The following WWOX variants were observed in gnomAD, a reference collection of about 807,000 sequenced individuals.
The protein encoded by WWOX is WW domain-containing oxidoreductase.
Under a neutral mutation model 46.2 loss-of-function variants are expected in WWOX, and 69 were observed. The observed-to-expected ratio is 1.49, with a 90% CI of 1.23 to 1.82. The LOEUF (loss-of-function observed/expected upper bound fraction) is 1.82. WWOX is among the 40% of genes most tolerant of loss of function. The pLI is 0.00. For synonymous variants in WWOX, 359 were observed against 202.6 expected (o/e 1.77, Z -6.56); for missense variants, 919 against 542.6 (o/e 1.69, Z -6.89).
intron 8 of WWOX, among the ~76,000 whole-genome samples, chr16:78,927,551 C>T (rs1171719290): frequency 2.0e-5 from 3 of 152,144 alleles, no homozygotes; most frequent in African/African-American, 4.8e-5. Context: ...GGATGTTAGT[C>T]ATTTGATTTC....
intron 8 of WWOX, among the ~76,000 whole-genome samples, chr16:79,054,782 C>T (rs1368240065): frequency 6.6e-6 from 1 of 152,156 alleles, no homozygotes; most frequent in Non-Finnish European, 1.5e-5. Context: ...ACTGTGATCA[C>T]ACCACCGCAC....
At chr16:78,282,368 A>G (rs1001355896) in intron 5 of WWOX, among the ~76,000 whole-genome samples, 15 of 152,310 alleles carry the variant, frequency 9.8e-5, no homozygotes, top group African/African-American at 3.6e-4. Flanking sequence ...ATGTGGCTTC[A>G]AAAAGGAGCC....
intron 8 of WWOX, among the ~76,000 whole-genome samples, chr16:78,631,079 G>A (rs997154225): frequency 2.6e-5 from 4 of 152,104 alleles, no homozygotes; most frequent in African/African-American, 9.7e-5. Context: ...ATGATTTAAA[G>A]TGTACAGGAG....
intron 8 of WWOX, chr16:79,110,819 T>C (rs2049402731): frequency 6.6e-6 from 1 of 152,218 alleles, no homozygotes; most frequent in Non-Finnish European, 1.5e-5. Flanking sequence ...TTTTATCAGC[T>C]GGGTGTTGGG....
Position 78,759,210 on chromosome 16 carries a change from G to T in WWOX, c.1056+326458G>T, listed in dbSNP as rs1332567142. ...ATTACACGGAGAAGTGTTAGAACAG[G>T]GTAATCAACTGGGAACCCATTTCAG... On this transcript the variant is annotated intron_variant, in intron 8 of 8. Coordinates refer to ENST00000566780, the MANE Select transcript of WWOX (RefSeq NM_016373.4). Among the ~76,000 whole-genome samples the T allele has an allele frequency of 2.0e-5, 3 of 152,114 alleles. No individual in the cohort carries two copies. The East Asian group carries it at 5.8e-4, about 29-fold the overall frequency.
At chr16:78,656,883 G>C (rs2047093332) in intron 8 of WWOX, among the ~76,000 whole-genome samples, 1 of 152,176 alleles carries the variant, frequency 6.6e-6, no homozygotes, top group African/African-American at 2.4e-5. Context: ...GGAGGCTGTA[G>C]ATACACAGCC....
intron 5 of WWOX, among the ~76,000 whole-genome samples, chr16:78,242,715 A>T (rs548461512): frequency 6.6e-6 from 1 of 152,216 alleles, no homozygotes; most frequent in East Asian, 1.9e-4. Context: ...AGAATAAGAG[A>T]TATGAAAGCC....
At chr16:78,161,921 G>C (rs2034808869) in intron 4 of WWOX, among the ~76,000 whole-genome samples, 1 of 152,116 alleles carries the variant, frequency 6.6e-6, no homozygotes, top group African/African-American at 2.4e-5. Context: ...CCTAGGTTAA[G>C]CATTGTTATT....
intron 4 of WWOX, among the ~76,000 whole-genome samples, chr16:78,148,489 C>G (rs923251224): frequency 3.3e-5 from 5 of 151,940 alleles, no homozygotes; most frequent in Non-Finnish European, 5.9e-5. Context: ...ACACAGAGGT[C>G]TCTGCCTCTA....
At chr16:78,606,299 T>A (rs2045754679) in intron 8 of WWOX, among the ~76,000 whole-genome samples, 1 of 152,198 alleles carries the variant, frequency 6.6e-6, no homozygotes, top group African/African-American at 2.4e-5. Context: ...ATTTAAAATT[T>A]TACATCATTT....
chr16:79,185,982 GTAT>G (rs1489913418), intron 8 of WWOX, among the ~76,000 whole-genome samples: 2 of 152,166 alleles, frequency 1.3e-5, no homozygotes, highest in East Asian at 1.9e-4. Context: ...GTGTGTGTGT[GTAT>G]TATTAATATG....
At chr16:78,783,089 C>G (rs2050370753) in intron 8 of WWOX, among the ~76,000 whole-genome samples, 1 of 152,152 alleles carries the variant, frequency 6.6e-6, no homozygotes, top group Non-Finnish European at 1.5e-5. Context: ...CCTATATGCA[C>G]AAAAATGAGC....
rs76929416 is a variant in WWOX, at chr16:78,835,056, G to A, written c.1057-376552G>A. Among the ~76,000 whole-genome samples, 647 of 152,206 alleles carry A rather than the reference G, an allele frequency of 4.3e-3. 5 individuals are homozygous for A. Among genetic ancestry groups the A allele is most frequent in the African/African-American group, 0.015 (608 of 41,514 alleles). The stretch of plus-strand genomic sequence containing the variant: ...TTTTAAAGGGGTTTGGAGGGCGTTA[G>A]TGTGCCCATTTTACAGAGGTGGAGG... On this transcript the variant is annotated intron_variant, in intron 8 of 8. Coordinates refer to ENST00000566780, the MANE Select transcript of WWOX (RefSeq NM_016373.4).
chr16:78,943,866 T>A (rs2045899420), intron 8 of WWOX, among the ~76,000 whole-genome samples: 1 of 152,082 alleles, frequency 6.6e-6, no homozygotes, highest in Non-Finnish European at 1.5e-5. Context: ...CTTCTGGAAG[T>A]GTGGTATGTG....
chr16:78,660,500 C>T (rs933510211), intron 8 of WWOX, among the ~76,000 whole-genome samples: 2 of 152,080 alleles, frequency 1.3e-5, no homozygotes, highest in Non-Finnish European at 1.5e-5. Flanking sequence ...TTCAAAGCTC[C>T]TTCTGTCTTT....
intron 8 of WWOX, among the ~76,000 whole-genome samples, chr16:79,037,081 G>C (rs2550690): frequency 0.64 from 96,629 of 151,934 alleles, 31,066 homozygotes; most frequent in East Asian, 0.79. Context: ...TCAGACTCAG[G>C]GCGGGGCCTG....
At chr16:78,718,491 C>T (rs1483328777) in intron 8 of WWOX, among the ~76,000 whole-genome samples, 1 of 152,070 alleles carries the variant, frequency 6.6e-6, no homozygotes, top group South Asian at 2.1e-4. Context: ...TTGAGTAGAA[C>T]ACATGATGTT....
intron 5 of WWOX, among the ~76,000 whole-genome samples, chr16:78,385,731 T>C (rs867794248): frequency 6.6e-6 from 1 of 152,330 alleles, no homozygotes; most frequent in Middle Eastern, 3.4e-3. Flanking sequence ...TATCATGTTA[T>C]CCTCCTTAAT....
In WWOX at chr16:78,544,684, G is replaced by A. The variant is rs150452273; in HGVS notation, c.1056+111932G>A. Among the ~76,000 whole-genome samples, 9 of 152,234 alleles carry A rather than the reference G, an allele frequency of 5.9e-5. No homozygotes were observed. The East Asian group carries it at 1.2e-3, about 20-fold the overall frequency. On this transcript the variant is annotated intron_variant, in intron 8 of 8. Coordinates refer to ENST00000566780, the MANE Select transcript of WWOX (RefSeq NM_016373.4). ...GTCCGGGAGTTTGAGACCAGCCTGGGCAACAGAGCCAGACCATCCATCTCT... is the reference window on the plus strand; with the variant it reads ...GTCCGGGAGTTTGAGACCAGCCTGGACAACAGAGCCAGACCATCCATCTCT...
Sources: gnomAD v4.1 joint callset for allele counts (sites outside exome capture counted in the v4.1 genomes callset) on GRCh38, gnomAD v4.1.1 for gene constraint, MANE v1.5 for transcripts, NCBI Gene and HGNC (gene_info 2026-07-23, HGNC 2026-07-21) for gene names.